Variants in MTMR6 observed in about 807,000 individuals in gnomAD.
MTMR6 encodes myotubularin related protein 6.
MTMR6 carries 47 observed loss-of-function variants against 80.1 expected under a neutral mutation model. The observed-to-expected ratio is 0.59, with a 90% CI of 0.46 to 0.75. The LOEUF is 0.75. Ranked by LOEUF, MTMR6 falls within the 30% of genes least tolerant of loss-of-function variation. The probability of loss-of-function intolerance (pLI) is 0.00; values close to 1 mark genes in which losing one functional copy is unlikely to be tolerated. For missense variants in MTMR6, 629 were observed against 730.9 expected, an observed-to-expected ratio of 0.86 and a Z score of 1.61; for synonymous variants, 254 against 253.0, an observed-to-expected ratio of 1.00 and a Z score of -0.04.
intron 9 of MTMR6, among the ~76,000 whole-genome samples, chr13:25,255,277 A>G (rs747368778): frequency 6.6e-6 from 1 of 152,236 alleles, no homozygotes; most frequent in Non-Finnish European, 1.5e-5. Context: ...CAGCTTCACC[A>G]CTTTGTGTGA....
intron 6 of MTMR6, 93 bp from the exon 7 acceptor site, chr13:25,258,785 G>C (rs1957271523): frequency 1.7e-6 from 2 of 1,168,290 alleles, no homozygotes; most frequent in African/African-American, 3.2e-5. Flanking sequence ...ATTTTAGCTA[G>C]GAGGCAGTTT....
At chr13:25,277,970 G>T (rs1187301979) in intron 1 of MTMR6, among the ~76,000 whole-genome samples, 1 of 151,876 alleles carries the variant, frequency 6.6e-6, no homozygotes, top group Non-Finnish European at 1.5e-5. Context: ...TTTAATTTTG[G>T]TCAGCTATAC....
rs1271739655 is a variant in MTMR6 at position 25,247,296 on chromosome 13, T to A, written c.*1936A>T. ...GTAAAATGTGAACATTTAATTACCT[T>A]TAAATCATATATGAAGTAATTTACA... On this transcript the variant is annotated 3_prime_UTR_variant, in exon 14 of 14. Coordinates refer to ENST00000381801, the MANE Select transcript of MTMR6 (RefSeq NM_004685.5). 1 of 152,590 alleles carries A rather than the reference T, an allele frequency of 6.6e-6. No individual in the cohort carries two copies. Among genetic ancestry groups the A allele is most frequent in the Non-Finnish European group, 1.5e-5 (1 of 68,016 alleles). 9.5% of individuals were successfully genotyped at this position (152,590 alleles called of 1,614,324 possible).
At chr13:25,280,942 G>A (rs1957828952) in intron 1 of MTMR6, among the ~76,000 whole-genome samples, 1 of 152,118 alleles carries the variant, frequency 6.6e-6, no homozygotes, top group Non-Finnish European at 1.5e-5. Context: ...TACCCTAATG[G>A]TCCAGGCAGA....
At chr13:25,250,679 T>C (rs568991808) in intron 13 of MTMR6, among the ~76,000 whole-genome samples, 22 of 152,358 alleles carry the variant, frequency 1.4e-4, no homozygotes, top group South Asian at 1.2e-3. Context: ...AGTTATATAG[T>C]AGTTACTAAT....
chr13:25,261,050 T>C (rs984933976), intron 6 of MTMR6, among the ~76,000 whole-genome samples: 1 of 151,970 alleles, frequency 6.6e-6, no homozygotes, highest in Non-Finnish European at 1.5e-5. Flanking sequence ...ATGCCTGTAA[T>C]CTCAACACTT....
chr13:25,254,178 A>G, intron 10 of MTMR6, among the ~76,000 whole-genome samples: 1 of 152,254 alleles, frequency 6.6e-6, no homozygotes, highest in East Asian at 1.9e-4. Context: ...AAAGGAAGGT[A>G]ATAAATAGTC....
chr13:25,266,171 T>G lies in MTMR6; in HGVS notation c.420A>C (p.Pro140=). The G allele has an allele frequency of 6.2e-7, 1 of 1,614,116 alleles. No individual in the cohort carries two copies. Among genetic ancestry groups the G allele is most frequent in the Non-Finnish European group, 8.5e-7 (1 of 1,180,024 alleles). The change falls in exon 4 of 14, where the codon CCA becomes CCC. Residue 140 remains proline (P), a synonymous_variant. Coordinates refer to ENST00000381801, the MANE Select transcript of MTMR6 (RefSeq NM_004685.5). ...LAEEYKRMGV[P]NSHWQLSDAN... is the part of the protein sequence containing the mutation. ...CATCAGACAACTGCCAGTGTGAGTT[T>G]GGCACTCCCATCCTCTTATATTCCT...
chr13:25,254,606 G>T (rs1287366990), intron 9 of MTMR6, among the ~76,000 whole-genome samples, 172 bp from the exon 10 acceptor site: 1 of 152,134 alleles, frequency 6.6e-6, no homozygotes, highest in Non-Finnish European at 1.5e-5. Flanking sequence ...TCGAGGTGGG[G>T]TTAAAGAAGA....
chr13:25,271,452 G>A (rs1200282648), intron 2 of MTMR6, among the ~76,000 whole-genome samples: 1 of 152,148 alleles, frequency 6.6e-6, no homozygotes, highest in East Asian at 1.9e-4. Context: ...GTCTACGTGA[G>A]CTCATTTTAC....
intron 6 of MTMR6, among the ~76,000 whole-genome samples, 178 bp downstream of exon 6, chr13:25,261,490 T>C (rs1957340515): frequency 6.6e-6 from 1 of 151,986 alleles, no homozygotes; most frequent in Non-Finnish European, 1.5e-5. Context: ...TACTCAGAAA[T>C]TGGTTTTCTA....
At chr13:25,274,939 G>GACAGACACACACACACACACAT (rs141646990) in intron 1 of MTMR6, among the ~76,000 whole-genome samples, 27 of 42,960 alleles carry the variant, frequency 6.3e-4, no homozygotes, top group Non-Finnish European at 1.4e-3. Flanking sequence ...CTAGTAGACA[G>GACAGACACACACACACACACAT]ACACACACAC....
rs570251947 is a variant in MTMR6, at chr13:25,287,183, G to C, written c.24+41C>G. 3 of 1,582,072 alleles carry C rather than the reference G, an allele frequency of 1.9e-6. No individual in the cohort carries two copies. The African/African-American group carries it at 4.0e-5, about 21-fold the overall frequency. On this transcript the variant is annotated intron_variant, in intron 1 of 13. Transcript: ENST00000381801. ...GTCTCCTCCTGCCTCAGCCGGGTCA[G>C]AGCAGGGCCCCTGAAGACTGGCGAT...
intron 1 of MTMR6, among the ~76,000 whole-genome samples, chr13:25,286,816 G>C (rs1957962679): frequency 6.6e-6 from 1 of 152,216 alleles, no homozygotes; most frequent in African/African-American, 2.4e-5. Context: ...AATGAAATGT[G>C]AGCAAGGACA....
intron 5 of MTMR6, among the ~76,000 whole-genome samples, chr13:25,262,726 C>T (rs1420861623): frequency 2.0e-5 from 3 of 152,126 alleles, no homozygotes; most frequent in Non-Finnish European, 4.4e-5. Context: ...TACTTTTTCT[C>T]CAATGGAAAA....
At chr13:25,257,574 G>A (rs1957242125) in intron 8 of MTMR6, among the ~76,000 whole-genome samples, 162 bp downstream of exon 8, 1 of 151,644 alleles carries the variant, frequency 6.6e-6, no homozygotes, top group Admixed American at 6.6e-5. Flanking sequence ...TACATTAAGT[G>A]CTACATGATA....
At chr13:25,272,934 T>C (rs1189163075) in intron 2 of MTMR6, among the ~76,000 whole-genome samples, 1 of 152,180 alleles carries the variant, frequency 6.6e-6, no homozygotes, top group Non-Finnish European at 1.5e-5. Flanking sequence ...TATTTTCCTT[T>C]GAGTATATAT....
chr13:25,261,614 T>A, intron 6 of MTMR6, 54 bp downstream of exon 6: 1 of 1,408,526 alleles, frequency 7.1e-7, no homozygotes, highest in Admixed American at 2.4e-5. Context: ...TCTCATTAAG[T>A]AAAGTAATAA....
intron 5 of MTMR6, among the ~76,000 whole-genome samples, chr13:25,265,173 T>C (rs533981238): frequency 6.6e-6 from 1 of 152,324 alleles, no homozygotes; most frequent in East Asian, 1.9e-4. Context: ...GAAATGCCCT[T>C]GGTTCTCTCC....
Sources: allele counts gnomAD v4.1 joint callset (sites outside exome capture counted in the v4.1 genomes callset), GRCh38; gene constraint gnomAD v4.1.1; transcripts MANE v1.5; gene names NCBI Gene and HGNC (gene_info 2026-07-23, HGNC 2026-07-21).